PTPRR: variants seen among roughly 807,000 people sequenced by gnomAD.
PTPRR encodes protein tyrosine phosphatase receptor type R, also known as receptor-type tyrosine-protein phosphatase R.
A neutral mutation model predicts 77.2 loss-of-function variants in PTPRR; 38 were observed. The observed-to-expected ratio is 0.49, with a 90% CI of 0.38 to 0.65. The LOEUF is 0.65. Ranked by LOEUF, PTPRR falls within the 30% of genes least tolerant of loss-of-function variation. PTPRR has a pLI of 0.00. For synonymous variants in PTPRR, 299 were observed against 283.1 expected, an observed-to-expected ratio of 1.06 and a Z score of -0.57; for missense variants, 744 against 799.2, an observed-to-expected ratio of 0.93 and a Z score of 0.83.
intron 2 of PTPRR, among the ~76,000 whole-genome samples, chr12:70,767,596 G>A (rs1383995795): frequency 6.6e-6 from 1 of 152,022 alleles, no homozygotes; most frequent in Non-Finnish European, 1.5e-5. Context: ...GTCAACATTA[G>A]ACAGATCAAC....
chr12:70,756,615 C>T (rs1368043379), intron 4 of PTPRR, among the ~76,000 whole-genome samples: 1 of 152,112 alleles, frequency 6.6e-6, no homozygotes, highest in Admixed American at 6.6e-5. Context: ...TATTTCATAG[C>T]TACATTTCTT....
chr12:70,731,315 T>C (rs1228071058), intron 6 of PTPRR, among the ~76,000 whole-genome samples: 4 of 152,094 alleles, frequency 2.6e-5, no homozygotes, highest in African/African-American at 2.4e-5. Context: ...AGTTTAAACA[T>C]GTACAAATAG....
intron 10 of PTPRR, among the ~76,000 whole-genome samples, chr12:70,665,123 C>T (rs998426022): frequency 2.0e-5 from 3 of 152,120 alleles, no homozygotes; most frequent in Admixed American, 6.5e-5. Flanking sequence ...TGCTATTTAG[C>T]AGAATATAAC....
intron 2 of PTPRR, among the ~76,000 whole-genome samples, chr12:70,795,320 C>T (rs7980182): frequency 0.023 from 3,432 of 152,208 alleles, 124 homozygotes; most frequent in African/African-American, 0.077. Context: ...TCTTTGAAGA[C>T]TCAAGCAAGT....
intron 4 of PTPRR, among the ~76,000 whole-genome samples, chr12:70,755,249 G>A (rs1890531935): frequency 6.6e-6 from 1 of 152,110 alleles, no homozygotes; most frequent in Admixed American, 6.5e-5. Context: ...ATTTCATTTT[G>A]TTGAAGGGTG....
At chr12:70,674,413 G>A (rs1267983949) in intron 10 of PTPRR, among the ~76,000 whole-genome samples, 1 of 152,048 alleles carries the variant, frequency 6.6e-6, no homozygotes, top group African/African-American at 2.4e-5. Flanking sequence ...ATTTTTAGCA[G>A]CATCTCACAA....
At chr12:70,898,428 T>A (rs978511321) in intron 1 of PTPRR, among the ~76,000 whole-genome samples, 2 of 150,258 alleles carry the variant, frequency 1.3e-5, no homozygotes, top group African/African-American at 4.9e-5. Flanking sequence ...TTTATGTTTT[T>A]CTTTTCATCA....
At chr12:70,720,615 G>A (rs1369841288) in intron 6 of PTPRR, among the ~76,000 whole-genome samples, 1 of 150,742 alleles carries the variant, frequency 6.6e-6, no homozygotes, top group African/African-American at 2.4e-5. Flanking sequence ...GGGTTCAAGC[G>A]ATTCTCCTGC....
intron 2 of PTPRR, among the ~76,000 whole-genome samples, chr12:70,792,940 A>G (rs1416510128): frequency 6.6e-6 from 1 of 152,140 alleles, no homozygotes; most frequent in Non-Finnish European, 1.5e-5. Context: ...CAAAAACCAA[A>G]TTTATGGTGA....
intron 6 of PTPRR, among the ~76,000 whole-genome samples, chr12:70,736,483 G>A (rs1427058459): frequency 6.6e-6 from 1 of 152,094 alleles, no homozygotes; most frequent in Non-Finnish European, 1.5e-5. Flanking sequence ...TACAGCCTCT[G>A]GAGCAATACT....
intron 2 of PTPRR, among the ~76,000 whole-genome samples, chr12:70,774,585 C>T (rs1891050989): frequency 6.6e-6 from 1 of 151,952 alleles, no homozygotes; most frequent in African/African-American, 2.4e-5. Flanking sequence ...TGCATCAAAA[C>T]ATTTGAATGA....
intron 2 of PTPRR, among the ~76,000 whole-genome samples, chr12:70,841,250 C>T (rs997759647): frequency 6.6e-6 from 1 of 151,980 alleles, no homozygotes; most frequent in Non-Finnish European, 1.5e-5. Context: ...CCTGAATCAC[C>T]TGTGAATCAG....
At chr12:70,896,374 C>A (rs1893428586) in intron 1 of PTPRR, among the ~76,000 whole-genome samples, 1 of 151,496 alleles carries the variant, frequency 6.6e-6, no homozygotes, top group African/African-American at 2.4e-5. Flanking sequence ...CACCATCAAC[C>A]AACTGGATTT....
At chr12:70,820,509 A>G (rs539376097) in intron 2 of PTPRR, among the ~76,000 whole-genome samples, 1 of 152,130 alleles carries the variant, frequency 6.6e-6, no homozygotes, top group South Asian at 2.1e-4. Flanking sequence ...AATTTTTTGT[A>G]TTTTTAGTAG....
chr12:70,877,366 T>C (rs1312200488), intron 2 of PTPRR, among the ~76,000 whole-genome samples: 2 of 152,172 alleles, frequency 1.3e-5, no homozygotes, highest in Non-Finnish European at 2.9e-5. Flanking sequence ...ATCATCATGG[T>C]CATCCCCACT....
chr12:70,867,386 T>C (rs963854761), intron 2 of PTPRR, among the ~76,000 whole-genome samples: 8 of 152,014 alleles, frequency 5.3e-5, no homozygotes, highest in Non-Finnish European at 1.5e-5. Flanking sequence ...AGCATTCTTA[T>C]ACACCAATAA....
chr12:70,726,666 C>T (rs894576458), intron 6 of PTPRR, among the ~76,000 whole-genome samples: 3 of 151,778 alleles, frequency 2.0e-5, no homozygotes, highest in Non-Finnish European at 4.4e-5. Flanking sequence ...CTGCAACCTC[C>T]ACCTCCTGAG....
chr12:70,859,207 T>C (rs1366050743), intron 2 of PTPRR, among the ~76,000 whole-genome samples: 1 of 152,046 alleles, frequency 6.6e-6, no homozygotes, highest in Non-Finnish European at 1.5e-5. Flanking sequence ...GAGAATAAGA[T>C]ATAGAATCAC....
intron 6 of PTPRR, among the ~76,000 whole-genome samples, chr12:70,728,484 ATATATATATG>A (rs1212283065): frequency 0.073 from 929 of 12,644 alleles, 12 homozygotes; most frequent in Non-Finnish European, 0.24. Context: ...ATATATATAT[ATATATATATG>A]TATGTATGTA....
Sources: allele counts gnomAD v4.1 joint callset (sites outside exome capture counted in the v4.1 genomes callset), GRCh38; gene constraint gnomAD v4.1.1; transcripts MANE v1.5; gene names NCBI Gene and HGNC (gene_info 2026-07-23, HGNC 2026-07-21).